The following ITGA9 variants were observed in gnomAD, a reference collection of about 807,000 sequenced individuals.
The protein encoded by ITGA9 is integrin subunit alpha 9.
A neutral mutation model predicts 127.8 loss-of-function variants in ITGA9; 56 were observed. That is an observed-to-expected ratio of 0.44 (90% CI 0.35 to 0.55). The LOEUF is 0.55. Ranked by LOEUF, ITGA9 falls within the 20% of genes least tolerant of loss-of-function variation. ITGA9 has a pLI of 0.00. For missense variants in ITGA9, 1,196 were observed against 1,347.1 expected (o/e 0.89, Z 1.76); for synonymous variants, 508 against 514.5 (o/e 0.99, Z 0.17).
At chr3:37,708,039 T>A (rs1309778255) in intron 18 of ITGA9, among the ~76,000 whole-genome samples, 4 of 152,182 alleles carry the variant, frequency 2.6e-5, no homozygotes, top group Non-Finnish European at 4.4e-5. Flanking sequence ...CACCCCCAAA[T>A]CTAGTGGGCT....
chr3:37,481,533 T>G lies in ITGA9; in HGVS notation c.470T>G (p.Leu157Arg), dbSNP rs753253406. The stretch of plus-strand genomic sequence containing the variant: ...ATCTACTATGAAGCCGACCACATCC[T>G]ACCCCATGGCTTCTGCTACATCATC... ...KNIYYEADHILPHGFCYIIPS... is the reference protein window; with the variant it reads ...KNIYYEADHIRPHGFCYIIPS... The change falls in exon 4 of 28, where the codon CTA (leucine) becomes CGA (arginine). Residue 157 changes from leucine (L) to arginine (R), a missense_variant. Coordinates refer to ENST00000264741, the MANE Select transcript of ITGA9 (RefSeq NM_002207.3). 1.9e-6 allele frequency: 3 copies of G among 1,614,158 alleles called. No individual in the cohort carries two copies. Among genetic ancestry groups the G allele is most frequent in the Non-Finnish European group, 2.5e-6 (3 of 1,180,000 alleles).
At chr3:37,688,450 T>G (rs73827027) in intron 18 of ITGA9, among the ~76,000 whole-genome samples, 1 of 152,090 alleles carries the variant, frequency 6.6e-6, no homozygotes, top group Non-Finnish European at 1.5e-5. Context: ...TTTAAAAGAT[T>G]AATAAAAATA....
intron 17 of ITGA9, among the ~76,000 whole-genome samples, chr3:37,681,383 C>T (rs1333650723): frequency 1.3e-5 from 2 of 152,106 alleles, no homozygotes; most frequent in Admixed American, 6.6e-5. Context: ...GTGCAACCCT[C>T]AAAATTTGTA....
chr3:37,771,138 G>A (rs1023207584), intron 23 of ITGA9, among the ~76,000 whole-genome samples: 1 of 152,164 alleles, frequency 6.6e-6, no homozygotes, highest in Admixed American at 6.5e-5. Flanking sequence ...CCGGTAGCCT[G>A]GGAAATAAAT....
At chr3:37,587,425 A>G (rs900613475) in intron 15 of ITGA9, among the ~76,000 whole-genome samples, 2 of 152,216 alleles carry the variant, frequency 1.3e-5, no homozygotes, top group East Asian at 1.9e-4. Context: ...GTTTTATGCC[A>G]TGGTATTTTG....
At chr3:37,672,864 C>G (rs1252226766) in intron 17 of ITGA9, among the ~76,000 whole-genome samples, 1 of 149,984 alleles carries the variant, frequency 6.7e-6, no homozygotes, top group Non-Finnish European at 1.5e-5. Context: ...AGAATTGAAC[C>G]TTTTTGGGTA....
chr3:37,464,276 G>T (rs921457706), intron 1 of ITGA9, among the ~76,000 whole-genome samples: 2 of 140,662 alleles, frequency 1.4e-5, no homozygotes, highest in Admixed American at 7.1e-5. Flanking sequence ...ATTTGTCAGG[G>T]TTTTTTTTTT....
chr3:37,572,152 G>A (rs571283680), intron 15 of ITGA9, among the ~76,000 whole-genome samples: 19 of 152,144 alleles, frequency 1.2e-4, no homozygotes, highest in South Asian at 1.2e-3. Flanking sequence ...GGATGGATGC[G>A]TGTCATTCAC....
intron 18 of ITGA9, among the ~76,000 whole-genome samples, chr3:37,732,107 C>T (rs563147366): frequency 2.0e-5 from 3 of 152,308 alleles, no homozygotes; most frequent in South Asian, 2.1e-4. Context: ...GGTGGAAAGA[C>T]AGCAGTTCCC....
At chr3:37,471,319 C>CA (rs1037684763) in intron 2 of ITGA9, among the ~76,000 whole-genome samples, 185 bp downstream of exon 2, 24 of 151,078 alleles carry the variant, frequency 1.6e-4, no homozygotes, top group Admixed American at 1.3e-3. Flanking sequence ...CACCAGTGAA[C>CA]AAAAAAAACA....
chr3:37,776,696 G>T (rs1696912379), intron 23 of ITGA9, among the ~76,000 whole-genome samples: 2 of 152,218 alleles, frequency 1.3e-5, no homozygotes, highest in African/African-American at 4.8e-5. Context: ...TGATGTTGCT[G>T]TCACTCAGCA....
chr3:37,589,696 C>G (rs1471724383), intron 15 of ITGA9, among the ~76,000 whole-genome samples: 1 of 152,084 alleles, frequency 6.6e-6, no homozygotes, highest in Admixed American at 6.5e-5. Context: ...ACAGCCGGTG[C>G]AAAGGCCCTG....
intron 26 of ITGA9, among the ~76,000 whole-genome samples, chr3:37,796,078 G>A (rs1349062510): frequency 2.0e-5 from 3 of 152,036 alleles, no homozygotes; most frequent in Admixed American, 2.0e-4. Flanking sequence ...CATCCTGTTG[G>A]CTCCAGTTCA....
intron 15 of ITGA9, among the ~76,000 whole-genome samples, chr3:37,616,537 G>A (rs1387320643): frequency 4.0e-5 from 6 of 151,796 alleles, no homozygotes; most frequent in African/African-American, 1.5e-4. Context: ...TTTCTGTCTC[G>A]TTGATCTGTC....
At chr3:37,764,522 G>A (rs1696757937) in intron 23 of ITGA9, among the ~76,000 whole-genome samples, 1 of 145,542 alleles carries the variant, frequency 6.9e-6, no homozygotes, top group South Asian at 2.2e-4. Flanking sequence ...AAAGCCATAG[G>A]TCCAAAACCC....
intron 23 of ITGA9, among the ~76,000 whole-genome samples, chr3:37,750,868 C>T (rs759133194): frequency 2.6e-5 from 4 of 152,250 alleles, no homozygotes; most frequent in South Asian, 2.1e-4. Flanking sequence ...CAGTTGCATG[C>T]GTCTGAATGC....
rs951788619 is a variant in ITGA9, at chr3:37,820,955, T to C, written c.*1966T>C. The C allele has an allele frequency of 1.3e-5, 2 of 152,340 alleles. No individual in the cohort carries two copies. Among genetic ancestry groups the C allele is most frequent in the East Asian group, 3.9e-4 (2 of 5,186 alleles). The allele number at this position is 152,340 out of a possible 1,614,324, so 9.4% of individuals were successfully genotyped here. On this transcript the variant is annotated 3_prime_UTR_variant, in exon 28 of 28. Transcript: ENST00000264741. ...ATTTTTAATACACATACTTGGCTAA[T>C]ACTCACAAACATATCTAAAGTTTTG...
chr3:37,656,283 C>T (rs1329260429), intron 17 of ITGA9, among the ~76,000 whole-genome samples: 1 of 152,192 alleles, frequency 6.6e-6, no homozygotes, highest in Admixed American at 6.5e-5. Context: ...TTACTTTGAG[C>T]AGTATGGCCA....
At chr3:37,787,256 G>A (rs1207135835) in intron 26 of ITGA9, among the ~76,000 whole-genome samples, 1 of 151,286 alleles carries the variant, frequency 6.6e-6, no homozygotes, top group Non-Finnish European at 1.5e-5. Context: ...TAGCTAACAG[G>A]TTTTCTACAC....
Sources: allele counts gnomAD v4.1 joint callset (sites outside exome capture counted in the v4.1 genomes callset), GRCh38; gene constraint gnomAD v4.1.1; transcripts MANE v1.5; gene names NCBI Gene and HGNC (gene_info 2026-07-23, HGNC 2026-07-21).